The following PCDHA7 variants were observed in gnomAD, a reference collection of about 807,000 sequenced individuals.
PCDHA7 encodes protocadherin alpha-7.
A neutral mutation model predicts 57.2 loss-of-function variants in PCDHA7; 37 were observed. The observed-to-expected ratio is 0.65, with a 90% CI of 0.50 to 0.85. The LOEUF is 0.85. PCDHA7 is among the 40% of genes least tolerant of loss of function. PCDHA7 has a pLI of 0.00. For missense variants in PCDHA7, 1,188 were observed against 1,241.8 expected (o/e 0.96, Z 0.65); for synonymous variants, 553 against 558.8 (o/e 0.99, Z 0.15).
At chr5:140,953,092 G>A (rs141861684) in intron 1 of PCDHA7, among the ~76,000 whole-genome samples, 2 of 152,252 alleles carry the variant, frequency 1.3e-5, no homozygotes, top group South Asian at 2.1e-4. Context: ...ATTACAATTT[G>A]ACATGAGATT....
chr5:140,840,869 C>T (rs1554137936), intron 1 of PCDHA7, among the ~76,000 whole-genome samples: 1 of 151,888 alleles, frequency 6.6e-6, no homozygotes, highest in Admixed American at 6.5e-5. Flanking sequence ...CTATGGAGGA[C>T]AGTTTACATT....
At chr5:140,892,349 T>C (rs1266203354) in intron 1 of PCDHA7, among the ~76,000 whole-genome samples, 2 of 152,248 alleles carry the variant, frequency 1.3e-5, no homozygotes, top group Admixed American at 6.5e-5. Context: ...TAATTGACTT[T>C]TGCCAGGCAT....
At chr5:140,968,529 C>T in intron 1 of PCDHA7, 1 of 1,614,206 alleles carries the variant, frequency 6.2e-7, no homozygotes, top group Non-Finnish European at 8.5e-7. Flanking sequence ...ACCAACTCGT[C>T]AGCAGCCTTC....
In PCDHA7 at chr5:140,870,852, G is replaced by T. The variant is rs782301779; in HGVS notation, c.2355+34114G>T. 6 of 1,613,862 alleles carry T rather than the reference G, an allele frequency of 3.7e-6. 1 individual carries two copies. The South Asian group carries it at 6.6e-5, about 18-fold the overall frequency. On this transcript the variant is annotated intron_variant, in intron 1 of 3. Coordinates refer to ENST00000525929, the MANE Select transcript of PCDHA7 (RefSeq NM_018910.3). ...CAGTTAACAAGCTAGTACCGCGGTC[G>T]GTGGGTGCGGGCCACGTGGTGGCGA...
At chr5:140,875,951 C>A (rs1292449525) in intron 1 of PCDHA7, 2 of 1,614,116 alleles carry the variant, frequency 1.2e-6, no homozygotes, top group East Asian at 2.2e-5. Flanking sequence ...GCTTCTGATG[C>A]GGATATCGGC....
At chr5:140,843,120 A>T (rs782103518) in intron 1 of PCDHA7, 2 of 1,595,472 alleles carry the variant, frequency 1.3e-6, no homozygotes, top group African/African-American at 2.7e-5. Flanking sequence ...GTGGACGCCG[A>T]CTCGGGCTAC....
chr5:140,886,786 A>C (rs2061126610), intron 1 of PCDHA7, among the ~76,000 whole-genome samples: 1 of 150,390 alleles, frequency 6.6e-6, no homozygotes, highest in East Asian at 2.0e-4. Context: ...AGATCATGCT[A>C]CTGTACTCCA....
Position 140,883,273 on chromosome 5 carries a change from C to A in PCDHA7, c.2355+46535C>A, listed in dbSNP as rs370482487. Reference sequence around the variant, plus strand: ...ATATTCCAATGGCGGGTCATTGTACCCTTTTGGTGGAAGTACTAGATGTAA... The same window carrying A: ...ATATTCCAATGGCGGGTCATTGTACACTTTTGGTGGAAGTACTAGATGTAA... On this transcript the variant is annotated intron_variant, in intron 1 of 3. Transcript: ENST00000525929. 10 of 1,613,676 alleles carry A rather than the reference C, an allele frequency of 6.2e-6. No homozygotes were observed. The Middle Eastern group carries it at 6.6e-4, about 106-fold the overall frequency.
chr5:140,841,977 A>C (rs2150326708), intron 1 of PCDHA7: 127 of 1,613,770 alleles, frequency 7.9e-5, no homozygotes, highest in Non-Finnish European at 1.1e-4. Flanking sequence ...GATGGGGGCA[A>C]ACCTGAGCTC....
chr5:140,933,586 T>A (rs1474110331), intron 1 of PCDHA7, among the ~76,000 whole-genome samples: 1 of 152,108 alleles, frequency 6.6e-6, no homozygotes, highest in Non-Finnish European at 1.5e-5. Flanking sequence ...AGTGGGTTTT[T>A]AGGTTGATTT....
chr5:140,988,818 CCAAA>C (rs1193685505), intron 3 of PCDHA7: 2 of 152,060 alleles, frequency 1.3e-5, no homozygotes, highest in Non-Finnish European at 2.9e-5. Flanking sequence ...AACAGTAGCC[CCAAA>C]CAGAGATCAC....
At chr5:140,877,958 C>A in intron 1 of PCDHA7, 1 of 1,319,110 alleles carries the variant, frequency 7.6e-7, no homozygotes, top group Non-Finnish European at 1.0e-6. Flanking sequence ...AATGTCTCAT[C>A]TTTCTTGGTC....
chr5:140,996,164 T>C (rs934521653), intron 3 of PCDHA7, among the ~76,000 whole-genome samples: 2 of 152,246 alleles, frequency 1.3e-5, no homozygotes, highest in African/African-American at 4.8e-5. Context: ...TATACTGCAA[T>C]GTGCTGACAG....
At chr5:140,960,112 T>C (rs145534809) in intron 1 of PCDHA7, among the ~76,000 whole-genome samples, 45 of 152,352 alleles carry the variant, frequency 3.0e-4, no homozygotes, top group Non-Finnish European at 4.3e-4. Flanking sequence ...GTGGGAACAA[T>C]AGTATTCCTT....
chr5:140,992,017 CTGTGTGTGTGTG>C (rs10602499), intron 3 of PCDHA7, among the ~76,000 whole-genome samples: 3 of 145,512 alleles, frequency 2.1e-5, no homozygotes, highest in South Asian at 2.2e-4. Flanking sequence ...AGAGGTGGCT[CTGTGTGTGTGTG>C]TGTGTGTGTG....
At chr5:140,950,669 G>C (rs1554219570) in intron 1 of PCDHA7, among the ~76,000 whole-genome samples, 1 of 151,992 alleles carries the variant, frequency 6.6e-6, no homozygotes, top group African/African-American at 2.4e-5. Flanking sequence ...TATCAAACAT[G>C]TACATGTATA....
chr5:140,926,656 T>C (rs1372034097), intron 1 of PCDHA7: 1 of 513,300 alleles, frequency 1.9e-6, no homozygotes, highest in Non-Finnish European at 3.1e-6. Flanking sequence ...CGGCTCCGCT[T>C]TCCCAGACGG....
At chr5:141,000,900 G>T (rs1020896392) in intron 3 of PCDHA7, among the ~76,000 whole-genome samples, 4 of 151,614 alleles carry the variant, frequency 2.6e-5, no homozygotes, top group African/African-American at 9.7e-5. Context: ...AGATATAGAC[G>T]CTGTCTCTAA....
chr5:140,884,582 T>G, intron 1 of PCDHA7: 1 of 1,614,172 alleles, frequency 6.2e-7, no homozygotes, highest in South Asian at 1.1e-5. Flanking sequence ...CCTCATGGCC[T>G]TCAGTCCCAG....
Sources: gnomAD v4.1 joint callset for allele counts (sites outside exome capture counted in the v4.1 genomes callset) on GRCh38, gnomAD v4.1.1 for gene constraint, MANE v1.5 for transcripts, NCBI Gene and HGNC (gene_info 2026-07-23, HGNC 2026-07-21) for gene names.